FNDC3A: variants seen among roughly 807,000 people sequenced by gnomAD.
The protein encoded by FNDC3A is fibronectin type III domain containing 3A, also known as fibronectin type-III domain-containing protein 3A.
Under a neutral mutation model 148.9 loss-of-function variants are expected in FNDC3A, and 32 were observed. That is an observed-to-expected ratio of 0.21 (90% CI 0.16 to 0.29). The LOEUF (loss-of-function observed/expected upper bound fraction) is 0.29, where lower values mean the gene tolerates loss of function less well. FNDC3A is among the 10% of genes least tolerant of loss of function. The pLI is 1.00. For missense variants in FNDC3A, 1,191 were observed against 1,452.8 expected (o/e 0.82, Z 2.93); for synonymous variants, 472 against 473.6 (o/e 1.00, Z 0.04).
chr13:49,033,425 A>G (rs1463146726), intron 2 of FNDC3A, among the ~76,000 whole-genome samples: 2 of 152,156 alleles, frequency 1.3e-5, no homozygotes, highest in African/African-American at 2.4e-5. Context: ...CTCTACGTGT[A>G]TTTTCACTGG....
chr13:49,143,642 A>G (rs986472789), intron 7 of FNDC3A, among the ~76,000 whole-genome samples: 2 of 152,178 alleles, frequency 1.3e-5, no homozygotes, highest in Non-Finnish European at 2.9e-5. Context: ...TTATTTCCAA[A>G]TAAAAGACTT....
At chr13:48,994,908 A>C (rs557151224) in intron 1 of FNDC3A, among the ~76,000 whole-genome samples, 2 of 152,190 alleles carry the variant, frequency 1.3e-5, no homozygotes, top group Non-Finnish European at 2.9e-5. Flanking sequence ...TAATGAGTAC[A>C]TGGGGTTCAT....
At chr13:49,015,564 C>T (rs1445658346) in intron 2 of FNDC3A, among the ~76,000 whole-genome samples, 6 of 152,168 alleles carry the variant, frequency 3.9e-5, no homozygotes, top group Admixed American at 3.9e-4. Flanking sequence ...ATTTGACTTC[C>T]TCTTTTCCTA....
At chr13:49,019,724 G>T (rs920891023) in intron 2 of FNDC3A, among the ~76,000 whole-genome samples, 1 of 152,198 alleles carries the variant, frequency 6.6e-6, no homozygotes, top group Non-Finnish European at 1.5e-5. Context: ...CTGGATTGGG[G>T]TATGCTAATA....
intron 6 of FNDC3A, among the ~76,000 whole-genome samples, chr13:49,138,185 A>G (rs1352991534): frequency 6.6e-6 from 1 of 152,166 alleles, no homozygotes; most frequent in African/African-American, 2.4e-5. Context: ...TTAACTGTTC[A>G]TGACTTATAT....
intron 2 of FNDC3A, among the ~76,000 whole-genome samples, chr13:49,040,406 C>G (rs184509673): frequency 6.6e-6 from 1 of 152,170 alleles, no homozygotes; most frequent in African/African-American, 2.4e-5. Context: ...TTTGCACTTA[C>G]GGATGGCAAA....
chr13:49,123,153 T>C (rs1170063409), intron 4 of FNDC3A, among the ~76,000 whole-genome samples: 1 of 152,064 alleles, frequency 6.6e-6, no homozygotes, highest in Non-Finnish European at 1.5e-5. Flanking sequence ...AACAGATATA[T>C]AGACCAGTGG....
chr13:49,113,297 TGTTTAGTATTTTCCGTCACCCC>T (rs1880701555), intron 3 of FNDC3A, among the ~76,000 whole-genome samples: 1 of 75,150 alleles, frequency 1.3e-5, no homozygotes, highest in African/African-American at 5.4e-5. Flanking sequence ...TCCTTACCCC[TGTTTAGTATTTTCCGTCACCCC>T]GTTTAGTAGT....
chr13:49,050,215 G>A (rs138427290), intron 2 of FNDC3A, among the ~76,000 whole-genome samples: 5,971 of 152,132 alleles, frequency 0.039, 190 homozygotes, highest in Non-Finnish European at 0.053. Flanking sequence ...CCAGTTCCAT[G>A]AGGTGTGAAC....
At chr13:49,175,863 T>A (rs1885001759) in intron 13 of FNDC3A, among the ~76,000 whole-genome samples, 1 of 152,200 alleles carries the variant, frequency 6.6e-6, no homozygotes, top group Admixed American at 6.5e-5. Context: ...TATTTTGAGA[T>A]ACATTCCATC....
chr13:49,087,857 A>G (rs1878914730), intron 3 of FNDC3A, among the ~76,000 whole-genome samples: 1 of 152,182 alleles, frequency 6.6e-6, no homozygotes, highest in Non-Finnish European at 1.5e-5. Context: ...ATGAACATTT[A>G]TGCAGTCGGT....
Position 49,187,034 on chromosome 13 carries a change from C to G in FNDC3A, c.1757-88C>G, listed in dbSNP as rs372437012. ...TGCAGGTGATTTTTTTTTTTTAAAC[C>G]TAGTTTGGTATTCTGTTTATTAGGT... On this transcript the variant is annotated intron_variant, in intron 15 of 25. Coordinates refer to ENST00000492622, the MANE Select transcript of FNDC3A (RefSeq NM_001079673.2). The G allele has an allele frequency of 3.8e-5, 33 of 876,242 alleles. No individual in the cohort carries two copies. The East Asian group carries it at 5.5e-4, about 14-fold the overall frequency. The allele number at this position is 876,242 out of a possible 1,614,324, so 54.3% of individuals were successfully genotyped here.
chr13:49,005,617 A>G (rs1273335943), intron 1 of FNDC3A, among the ~76,000 whole-genome samples: 1 of 151,950 alleles, frequency 6.6e-6, no homozygotes, highest in Non-Finnish European at 1.5e-5. Flanking sequence ...TTCTTACCCT[A>G]ATCCTGAGCA....
chr13:49,028,310 G>A (rs199798939), intron 2 of FNDC3A, among the ~76,000 whole-genome samples: 1 of 152,050 alleles, frequency 6.6e-6, no homozygotes, highest in East Asian at 1.9e-4. Flanking sequence ...CCAGGCTGAA[G>A]TGCAGTGGTG....
intron 2 of FNDC3A, among the ~76,000 whole-genome samples, chr13:49,049,462 T>C (rs1875665061): frequency 6.6e-6 from 1 of 152,122 alleles, no homozygotes. Context: ...GTTTGCAGTT[T>C]TTTTCATTAC....
intron 5 of FNDC3A, among the ~76,000 whole-genome samples, chr13:49,131,804 T>G (rs965881969): frequency 6.6e-6 from 1 of 152,120 alleles, no homozygotes; most frequent in African/African-American, 2.4e-5. Flanking sequence ...GTTAATAAAT[T>G]TGGGGAAAGT....
intron 10 of FNDC3A, 106 bp downstream of exon 10, chr13:49,168,857 C>T: frequency 9.6e-7 from 1 of 1,043,154 alleles, no homozygotes; most frequent in Non-Finnish European, 1.4e-6. Flanking sequence ...TTAATTTGTT[C>T]CTGCTTTTTA....
At chr13:49,018,328 C>A (rs1350519406) in intron 2 of FNDC3A, among the ~76,000 whole-genome samples, 1 of 152,074 alleles carries the variant, frequency 6.6e-6, no homozygotes, top group Admixed American at 6.5e-5. Flanking sequence ...TCTAAACTTC[C>A]CTTCTCGCTT....
chr13:49,023,440 A>G lies in FNDC3A; in HGVS notation c.99+17151A>G, dbSNP rs373666800. Among the ~76,000 whole-genome samples, 55 of 151,452 alleles carry G rather than the reference A, an allele frequency of 3.6e-4. 1 individual carries two copies. The South Asian group carries it at 0.011, about 31-fold the overall frequency. On this transcript the variant is annotated intron_variant, in intron 2 of 25. Transcript: ENST00000492622. ...TGTAGCGTTTTTATACTATCTTAAT[A>G]TATATTTTTATATATTTAATATGTT...
Sources: allele counts gnomAD v4.1 joint callset (sites outside exome capture counted in the v4.1 genomes callset), GRCh38; gene constraint gnomAD v4.1.1; transcripts MANE v1.5; gene names NCBI Gene and HGNC (gene_info 2026-07-23, HGNC 2026-07-21).